Variants in RAB10 observed in about 807,000 individuals in gnomAD.
RAB10 encodes the protein RAB10, member RAS oncogene family.
RAB10 carries 5 observed loss-of-function variants against 25.7 expected under a neutral mutation model. The observed-to-expected ratio is 0.19, with a 90% CI of 0.10 to 0.41. The LOEUF is 0.41. Ranked by LOEUF, RAB10 falls within the 10% of genes least tolerant of loss-of-function variation. RAB10 has a pLI of 1.00. For synonymous variants in RAB10, 89 were observed against 86.4 expected (o/e 1.03, Z -0.16); for missense variants, 103 against 245.8 (o/e 0.42, Z 3.89).
At position 26,062,381 on chromosome 2, in the gene RAB10, C is replaced by A. The variant is rs538441246; in HGVS notation, c.127+27646C>A. Among the ~76,000 whole-genome samples the A allele has an allele frequency of 4.3e-4, 65 of 152,220 alleles. 2 individuals are homozygous for A. In the South Asian group the frequency reaches 0.013, roughly 30 times the overall value. On this transcript the variant is annotated intron_variant, in intron 1 of 5. Coordinates refer to ENST00000264710, the MANE Select transcript of RAB10 (RefSeq NM_016131.5). ...CCATCCCCTCCTCCCCAAACAAACACAACTACAAAAGTGCTGCTGGGCATG... is the reference window on the plus strand; with the variant it reads ...CCATCCCCTCCTCCCCAAACAAACAAAACTACAAAAGTGCTGCTGGGCATG...
chr2:26,037,541 A>T (rs1665789402), intron 1 of RAB10, among the ~76,000 whole-genome samples: 1 of 152,064 alleles, frequency 6.6e-6, no homozygotes. Context: ...CAGGAGGCTG[A>T]GGCAGGAGAA....
intron 1 of RAB10, chr2:26,042,855 GA>G (rs534489289): frequency 2.7e-4 from 41 of 151,610 alleles, no homozygotes; most frequent in Non-Finnish European, 4.0e-4. Context: ...CATATGGAAA[GA>G]TGTTCAGCAT....
intron 1 of RAB10, among the ~76,000 whole-genome samples, chr2:26,040,608 G>A (rs1484632767): frequency 2.0e-5 from 3 of 151,968 alleles, no homozygotes; most frequent in Admixed American, 6.6e-5. Context: ...CAGTGAGCTC[G>A]GATCACACCA....
chr2:26,034,865 A>C, intron 1 of RAB10, 130 bp downstream of exon 1: 1 of 1,357,196 alleles, frequency 7.4e-7, no homozygotes. Flanking sequence ...CATCCAAGTT[A>C]CTGTTTGAAT....
At chr2:26,063,096 CAA>C (rs773258385) in intron 1 of RAB10, among the ~76,000 whole-genome samples, 16 of 135,410 alleles carry the variant, frequency 1.2e-4, no homozygotes, top group Non-Finnish European at 2.0e-4. Flanking sequence ...CCTTGGGCGA[CAA>C]GAGTGAAACT....
At chr2:26,060,104 G>A (rs1366545025) in intron 1 of RAB10, among the ~76,000 whole-genome samples, 1 of 152,134 alleles carries the variant, frequency 6.6e-6, no homozygotes, top group Non-Finnish European at 1.5e-5. Flanking sequence ...ATTGGCAAGA[G>A]TCTGAAGAAG....
chr2:26,034,556 A>AGGGACC lies in RAB10; in HGVS notation c.-51_-46dup. ...CGAGTGAGGAGTTGGCCGTAGTGAG[A>AGGGACC]GGGACCGATCCCTTGGGGCCGCCGG... On this transcript the variant is annotated 5_prime_UTR_variant, in exon 1 of 6. Transcript: ENST00000264710. 1 of 1,610,382 alleles carries AGGGACC rather than the reference A, an allele frequency of 6.2e-7. No homozygotes were observed. Among genetic ancestry groups the AGGGACC allele is most frequent in the Non-Finnish European group, 8.5e-7 (1 of 1,178,908 alleles).
At chr2:26,086,020 G>GA (rs1199701330) in intron 1 of RAB10, among the ~76,000 whole-genome samples, 2 of 140,068 alleles carry the variant, frequency 1.4e-5, no homozygotes, top group East Asian at 4.8e-4. Flanking sequence ...AAAAAAAAGG[G>GA]GGGGGGCAAA....
intron 1 of RAB10, among the ~76,000 whole-genome samples, chr2:26,049,735 T>G (rs1382488351): frequency 6.6e-6 from 1 of 152,170 alleles, no homozygotes; most frequent in Non-Finnish European, 1.5e-5. Flanking sequence ...CTCATCCCGC[T>G]CTCTGTTTCA....
chr2:26,080,173 T>G (rs1345988069), intron 1 of RAB10, among the ~76,000 whole-genome samples: 4 of 152,146 alleles, frequency 2.6e-5, no homozygotes, highest in Non-Finnish European at 5.9e-5. Flanking sequence ...ATGGTAGTAT[T>G]GAATTAAAAC....
chr2:26,078,471 A>G (rs566609162), intron 1 of RAB10, among the ~76,000 whole-genome samples: 3 of 152,318 alleles, frequency 2.0e-5, no homozygotes, highest in Admixed American at 1.3e-4. Context: ...ACAGATGTAC[A>G]GATCAGTGGA....
At chr2:26,127,556 C>T (rs1667929577) in intron 4 of RAB10, among the ~76,000 whole-genome samples, 1 of 152,152 alleles carries the variant, frequency 6.6e-6, no homozygotes, top group African/African-American at 2.4e-5. Context: ...ATGTGACAAT[C>T]AGGAGCCTAT....
intron 1 of RAB10, among the ~76,000 whole-genome samples, chr2:26,096,994 G>A (rs372913026): frequency 2.0e-5 from 3 of 152,134 alleles, no homozygotes; most frequent in South Asian, 2.1e-4. Flanking sequence ...GGCCAAGGCC[G>A]GTGGGTCACT....
At chr2:26,039,419 C>A (rs4665812) in intron 1 of RAB10, among the ~76,000 whole-genome samples, 113,246 of 151,734 alleles carry the variant, frequency 0.75, 42,483 homozygotes, top group East Asian at 0.87. Flanking sequence ...GATCTGGGCT[C>A]ACTGCAACCT....
chr2:26,112,885 A>G (rs1667603936), intron 3 of RAB10, among the ~76,000 whole-genome samples: 1 of 152,070 alleles, frequency 6.6e-6, no homozygotes, highest in African/African-American at 2.4e-5. Context: ...GTTTGAAACC[A>G]GTCTGGTCGA....
chr2:26,052,110 A>G (rs922660568), intron 1 of RAB10, among the ~76,000 whole-genome samples: 4 of 150,460 alleles, frequency 2.7e-5, no homozygotes, highest in African/African-American at 9.8e-5. Flanking sequence ...AGACGTGGTG[A>G]CTTATGCCTG....
chr2:26,042,957 A>C (rs1428761992), intron 1 of RAB10, among the ~76,000 whole-genome samples: 1 of 152,160 alleles, frequency 6.6e-6, no homozygotes. Flanking sequence ...AACAAACGAC[A>C]AAAGCAAGTG....
intron 3 of RAB10, among the ~76,000 whole-genome samples, chr2:26,121,491 C>T (rs1667802517): frequency 6.6e-6 from 1 of 152,120 alleles, no homozygotes; most frequent in Admixed American, 6.5e-5. Flanking sequence ...GCTCTATAAA[C>T]AGGTTTTTAA....
intron 3 of RAB10, among the ~76,000 whole-genome samples, chr2:26,123,290 T>A (rs1359035602): frequency 1.3e-5 from 2 of 152,144 alleles, no homozygotes; most frequent in African/African-American, 4.8e-5. Flanking sequence ...GTGGTCTACT[T>A]GCCCCCGAAC....
Sources: allele counts gnomAD v4.1 joint callset (sites outside exome capture counted in the v4.1 genomes callset), GRCh38; gene constraint gnomAD v4.1.1; transcripts MANE v1.5; gene names NCBI Gene and HGNC (gene_info 2026-07-23, HGNC 2026-07-21).